Variants in KLHL13 observed in about 807,000 individuals in gnomAD.
KLHL13 encodes the protein kelch-like protein 13.
In KLHL13, 10 loss-of-function variants were observed where a neutral mutation model predicts 37.1. The ratio of observed to expected loss-of-function variants is 0.27; its 90% confidence interval spans 0.17 to 0.46. The LOEUF (loss-of-function observed/expected upper bound fraction) is 0.46, where lower values mean the gene tolerates loss of function less well. Ranked by LOEUF, KLHL13 falls within the 20% of genes least tolerant of loss-of-function variation. The pLI is 1.00. For synonymous variants in KLHL13, 163 were observed against 181.2 expected, an observed-to-expected ratio of 0.90 and a Z score of 0.81; for missense variants, 360 against 509.3, an observed-to-expected ratio of 0.71 and a Z score of 2.82.
chrX:117,929,829 G>T lies in KLHL13; in HGVS notation c.241-9459C>A, dbSNP rs1445205888. ...ACTTAAATTAAATTAGTCGAGTGTG[G>T]TGGCACACACATATAGTCCCAGCTA... On this transcript the variant is annotated intron_variant, in intron 2 of 6. Transcript: ENST00000262820. 1.0e-4 allele frequency among the ~76,000 whole-genome samples: 11 copies of T among 105,707 alleles called. No homozygotes were observed. In the East Asian group the frequency reaches 3.3e-3, roughly 31 times the overall value. The allele number at this position is 105,707 out of a possible 115,157, so 91.8% of individuals were successfully genotyped here.
intron 1 of KLHL13, among the ~76,000 whole-genome samples, chrX:118,012,667 C>T (rs745545127): frequency 2.6e-4 from 21 of 79,254 alleles, no homozygotes; most frequent in African/African-American, 1.0e-3. Flanking sequence ...AAAATGTGGC[C>T]ATCCTGGGCG....
At chrX:117,950,277 G>A (rs1331581047) in intron 1 of KLHL13, among the ~76,000 whole-genome samples, 2 of 111,801 alleles carry the variant, frequency 1.8e-5, no homozygotes, top group African/African-American at 6.5e-5. Flanking sequence ...GACCAGCCCA[G>A]CCAACATGGT....
intron 1 of KLHL13, among the ~76,000 whole-genome samples, chrX:118,092,005 G>C (rs1297315817): frequency 8.9e-6 from 1 of 111,881 alleles, no homozygotes; most frequent in Non-Finnish European, 1.9e-5. Context: ...CGGGAGCTAA[G>C]CTATGAGGAT....
chrX:118,102,167 T>C (rs1002095337), intron 1 of KLHL13, among the ~76,000 whole-genome samples: 7 of 111,602 alleles, frequency 6.3e-5, no homozygotes, highest in Non-Finnish European at 9.4e-5. Flanking sequence ...ATTTTTACCA[T>C]GAAGCAAATG....
intron 1 of KLHL13, among the ~76,000 whole-genome samples, chrX:118,029,749 G>C (rs1207059546): frequency 9.0e-6 from 1 of 111,438 alleles, no homozygotes; most frequent in Non-Finnish European, 1.9e-5. Context: ...CGAGCAGATT[G>C]CTTCAGTCCA....
chrX:118,097,821 A>G (rs192445599), intron 1 of KLHL13, among the ~76,000 whole-genome samples: 1 of 111,945 alleles, frequency 8.9e-6, no homozygotes, highest in African/African-American at 3.2e-5. Flanking sequence ...GAAAACAAGC[A>G]ATGGGGAAAG....
chrX:117,909,353 G>T (rs187717991), exon 5 of KLHL13: 1 of 1,206,819 alleles, frequency 8.3e-7, no homozygotes. Context: ...ATCCTTTGAG[G>T]GCACTTAGGT....
chrX:117,999,828 G>A (rs1396152098), intron 1 of KLHL13, among the ~76,000 whole-genome samples: 1 of 111,313 alleles, frequency 9.0e-6, no homozygotes, highest in Non-Finnish European at 1.9e-5. Context: ...CACATAGAAC[G>A]GAGAAATACT....
intron 1 of KLHL13, among the ~76,000 whole-genome samples, chrX:118,019,318 C>T (rs994642373): frequency 8.1e-5 from 9 of 110,919 alleles, no homozygotes; most frequent in South Asian, 3.8e-4. Context: ...TCATATCCTT[C>T]GCCCACTTTT....
intron 1 of KLHL13, among the ~76,000 whole-genome samples, chrX:118,084,919 G>A (rs2055036821): frequency 9.1e-6 from 1 of 109,764 alleles, no homozygotes; most frequent in Non-Finnish European, 1.9e-5. Flanking sequence ...AGCTACTCGG[G>A]AGGCTGAGGC....
chrX:118,033,074 A>C (rs2054380166), intron 1 of KLHL13, among the ~76,000 whole-genome samples: 1 of 111,338 alleles, frequency 9.0e-6, no homozygotes. Flanking sequence ...AAAGCCTCCA[A>C]GAAATGTAGG....
At chrX:117,946,737 ACTGT>A (rs1392863444) in intron 1 of KLHL13, 4 of 112,220 alleles carry the variant, frequency 3.6e-5, no homozygotes, top group African/African-American at 3.2e-5. Flanking sequence ...TGCTTTTCTA[ACTGT>A]CTAACTGAGC....
intron 4 of KLHL13, among the ~76,000 whole-genome samples, chrX:117,915,824 GCAAA>G (rs1931312097): frequency 8.9e-6 from 1 of 112,219 alleles, no homozygotes; most frequent in African/African-American, 3.2e-5. Context: ...ATTTCAAATT[GCAAA>G]CAAAGGATAA....
intron 1 of KLHL13, among the ~76,000 whole-genome samples, chrX:118,072,465 C>G (rs997276375): frequency 9.0e-6 from 1 of 111,651 alleles, no homozygotes; most frequent in Non-Finnish European, 1.9e-5. Context: ...GCAACAAAAG[C>G]CAAAATTGAC....
At chrX:117,958,479 C>A (rs1420488974) in intron 1 of KLHL13, among the ~76,000 whole-genome samples, 1 of 110,262 alleles carries the variant, frequency 9.1e-6, no homozygotes, top group Admixed American at 9.8e-5. Context: ...CTACTATATT[C>A]AATTACTGCA....
At chrX:118,062,505 T>C (rs1430636411) in intron 1 of KLHL13, among the ~76,000 whole-genome samples, 1 of 110,256 alleles carries the variant, frequency 9.1e-6, no homozygotes, top group Non-Finnish European at 1.9e-5. Flanking sequence ...ACAAGCTTCA[T>C]TTCCAAGATT....
chrX:118,020,469 G>A (rs1294706326), intron 1 of KLHL13, among the ~76,000 whole-genome samples: 56 of 110,959 alleles, frequency 5.0e-4, no homozygotes, highest in East Asian at 1.1e-3. Context: ...TTAGAATGGC[G>A]ATCATTAAAA....
At chrX:118,015,385 CCAAA>C (rs1468466678) in intron 1 of KLHL13, among the ~76,000 whole-genome samples, 10 of 110,982 alleles carry the variant, frequency 9.0e-5, no homozygotes, top group East Asian at 2.8e-4. Flanking sequence ...CTTGTAGAGT[CCAAA>C]CAAACAAACA....
intron 1 of KLHL13, among the ~76,000 whole-genome samples, chrX:118,076,768 G>T (rs1032567367): frequency 1.8e-5 from 2 of 110,718 alleles, no homozygotes; most frequent in Non-Finnish European, 3.8e-5. Flanking sequence ...GCCTTTGGCT[G>T]GGGCTTCAAT....
Sources: gnomAD v4.1 joint callset for allele counts (sites outside exome capture counted in the v4.1 genomes callset) on GRCh38, gnomAD v4.1.1 for gene constraint, MANE v1.5 for transcripts, NCBI Gene and HGNC (gene_info 2026-07-23, HGNC 2026-07-21) for gene names.